Variants in KIT observed in about 807,000 individuals in gnomAD.
KIT encodes the protein KIT proto-oncogene, receptor tyrosine kinase.
In KIT, 16 loss-of-function variants were observed where a neutral mutation model predicts 105.7. That is an observed-to-expected ratio of 0.15 (90% CI 0.10 to 0.23). The LOEUF is 0.23. Among genes scored for constraint, KIT ranks in the 10% least tolerant of loss-of-function variants. KIT has a pLI of 1.00. For synonymous variants in KIT, 438 were observed against 441.1 expected, an observed-to-expected ratio of 0.99 and a Z score of 0.09; for missense variants, 858 against 1,213.8, an observed-to-expected ratio of 0.71 and a Z score of 4.36.
chr4:54,700,239 G>T (rs1220516760), intron 4 of KIT, among the ~76,000 whole-genome samples: 5 of 152,200 alleles, frequency 3.3e-5, no homozygotes. Flanking sequence ...TCCATTTGAA[G>T]ATGGGTTTCT....
chr4:54,675,284 T>C (rs1296651975), intron 1 of KIT, among the ~76,000 whole-genome samples: 2 of 152,212 alleles, frequency 1.3e-5, no homozygotes, highest in Non-Finnish European at 2.9e-5. Context: ...CTGGAAACTT[T>C]TGTTATTTAA....
chr4:54,735,712 T>C (rs995549601), intron 17 of KIT, among the ~76,000 whole-genome samples: 9 of 152,216 alleles, frequency 5.9e-5, no homozygotes, highest in Non-Finnish European at 1.0e-4. Context: ...AAGAAGATAC[T>C]GAGGCTTAAT....
intron 7 of KIT, 37 bp downstream of exon 7, chr4:54,709,576 C>A (rs1560404163): frequency 2.3e-6 from 3 of 1,309,988 alleles, no homozygotes; most frequent in Non-Finnish European, 3.3e-6. Context: ...ATTTTTTATT[C>A]TTTTAAAGTT....
chr4:54,660,798 C>G (rs1250686314), intron 1 of KIT, among the ~76,000 whole-genome samples: 1 of 152,166 alleles, frequency 6.6e-6, no homozygotes, highest in Admixed American at 6.5e-5. Context: ...GCTCTATAGC[C>G]ATTCACATGA....
At chr4:54,683,305 T>C (rs544082937) in intron 1 of KIT, among the ~76,000 whole-genome samples, 71 of 152,290 alleles carry the variant, frequency 4.7e-4, no homozygotes, top group African/African-American at 1.7e-3. Flanking sequence ...GTATATATTT[T>C]CCCCTTCACA....
intron 1 of KIT, among the ~76,000 whole-genome samples, chr4:54,695,269 C>G (rs1719976942): frequency 6.6e-6 from 1 of 152,182 alleles, no homozygotes; most frequent in Non-Finnish European, 1.5e-5. Flanking sequence ...CTGGGGCATT[C>G]AGCACATCCT....
At chr4:54,698,626 C>G in intron 3 of KIT, 61 bp downstream of exon 3, 1 of 1,553,296 alleles carries the variant, frequency 6.4e-7, no homozygotes, top group East Asian at 2.2e-5. Flanking sequence ...AAGAAGACTT[C>G]TCTTCTCGTT....
chr4:54,680,385 CTTTTTTTTT>C (rs756268006), intron 1 of KIT, among the ~76,000 whole-genome samples: 1 of 102,690 alleles, frequency 9.7e-6, no homozygotes, highest in Non-Finnish European at 2.0e-5. Context: ...TTCATTCGTC[CTTTTTTTTT>C]TTTTTTTTTT....
intron 1 of KIT, among the ~76,000 whole-genome samples, chr4:54,674,201 A>G (rs2109580005): frequency 6.6e-6 from 1 of 151,718 alleles, no homozygotes; most frequent in East Asian, 1.9e-4. Context: ...CTATTTCCTC[A>G]TCTTAGATCT....
At chr4:54,721,815 T>C (rs1222484653) in intron 7 of KIT, among the ~76,000 whole-genome samples, 1 of 152,220 alleles carries the variant, frequency 6.6e-6, no homozygotes, top group Admixed American at 6.5e-5. Flanking sequence ...ATAATTGATG[T>C]TGAATTCCCT....
In KIT at chr4:54,695,627, G is replaced by C. The variant is rs745640513; in HGVS notation, c.183G>C (p.Pro61=). The C allele has an allele frequency of 1.2e-6, 2 of 1,614,174 alleles. No homozygotes were observed. The highest frequency in any genetic ancestry group is 1.7e-6 in the Non-Finnish European group (2 of 1,180,032). Residue 61 remains proline (P), a synonymous_variant, in exon 2 of 21, where the codon CCG becomes CCC. Transcript: ENST00000288135. The part of the protein sequence containing the change: ...GDEIRLLCTD[P]GFVKWTFEIL... ...AGATTAGGCTGTTATGCACTGATCC[G>C]GGCTTTGTCAAATGGACTTTTGAGA... is the stretch of plus-strand genomic sequence containing the variant.
At chr4:54,702,105 T>G (rs564085711) in intron 4 of KIT, among the ~76,000 whole-genome samples, 4 of 152,296 alleles carry the variant, frequency 2.6e-5, no homozygotes, top group Non-Finnish European at 2.9e-5. Context: ...AACATTCAGC[T>G]TCAGCAGTCA....
rs2109801814 is a variant in KIT at position 54,733,165 on chromosome 4, T to C, written c.2457T>C (p.Asn819=). ...CDFGLARDIK[N]DSNYVVKGNA... ...TTGGTCTAGCCAGAGACATCAAGAA[T>C]GATTCTAATTATGTGGTTAAAGGAA... The change falls in exon 17 of 21, where the codon AAT becomes AAC. Residue 819 remains asparagine, a synonymous_variant. Coordinates refer to ENST00000288135, the MANE Select transcript of KIT (RefSeq NM_000222.3). 6.2e-7 allele frequency: 1 copy of C among 1,612,892 alleles called. No individual in the cohort carries two copies. The highest frequency in any genetic ancestry group is 8.5e-7 in the Non-Finnish European group (1 of 1,179,154).
At chr4:54,719,051 C>T (rs1039190832) in intron 7 of KIT, among the ~76,000 whole-genome samples, 7 of 152,136 alleles carry the variant, frequency 4.6e-5, no homozygotes, top group African/African-American at 1.7e-4. Context: ...CCTTTAAACA[C>T]CAGCAAACCT....
intron 1 of KIT, among the ~76,000 whole-genome samples, chr4:54,667,912 C>G (rs1031998490): frequency 6.6e-6 from 1 of 152,168 alleles, no homozygotes; most frequent in African/African-American, 2.4e-5. Context: ...TAATTCTGCT[C>G]CCTTCTCCCT....
intron 1 of KIT, among the ~76,000 whole-genome samples, chr4:54,676,648 C>A (rs887398768): frequency 6.6e-6 from 1 of 152,078 alleles, no homozygotes; most frequent in Non-Finnish European, 1.5e-5. Flanking sequence ...TGTGTCCTAC[C>A]CTGATTAAAA....
intron 14 of KIT, among the ~76,000 whole-genome samples, chr4:54,731,027 GCT>G (rs1211780555): frequency 6.6e-6 from 1 of 151,978 alleles, no homozygotes; most frequent in African/African-American, 2.4e-5. Context: ...ACCATATTTG[GCT>G]CTCTGTCTCC....
At chr4:54,681,525 G>A (rs187092241) in intron 1 of KIT, among the ~76,000 whole-genome samples, 177 of 152,302 alleles carry the variant, frequency 1.2e-3, no homozygotes, top group Middle Eastern at 3.4e-3. Context: ...GTTAGGATGA[G>A]TGAGTGAGAA....
intron 1 of KIT, among the ~76,000 whole-genome samples, chr4:54,670,947 G>T (rs1718067930): frequency 6.6e-6 from 1 of 152,062 alleles, no homozygotes; most frequent in Admixed American, 6.5e-5. Context: ...TTTCCCTGGG[G>T]AAAAAAATAT....
Sources: allele counts gnomAD v4.1 joint callset (sites outside exome capture counted in the v4.1 genomes callset), GRCh38; gene constraint gnomAD v4.1.1; transcripts MANE v1.5; gene names NCBI Gene and HGNC (gene_info 2026-07-23, HGNC 2026-07-21).